The following LONP2 variants were observed in gnomAD, a reference collection of about 807,000 sequenced individuals.
LONP2 encodes the protein lon peptidase 2, peroxisomal, also known as lon protease homolog 2, peroxisomal.
Under a neutral mutation model 85.6 loss-of-function variants are expected in LONP2, and 60 were observed. The ratio of observed to expected loss-of-function variants is 0.70; its 90% CI spans 0.57 to 0.87. LONP2 has a LOEUF of 0.87. Among genes scored for constraint, LONP2 ranks in the 40% least tolerant of loss-of-function variants. LONP2 has a pLI of 0.00. For synonymous variants in LONP2, 395 were observed against 389.7 expected, an observed-to-expected ratio of 1.01 and a Z score of -0.16; for missense variants, 860 against 1,063.5, an observed-to-expected ratio of 0.81 and a Z score of 2.66.
intron 11 of LONP2, among the ~76,000 whole-genome samples, chr16:48,327,304 C>T (rs1959266217): frequency 6.6e-6 from 1 of 152,268 alleles, no homozygotes; most frequent in African/African-American, 2.4e-5. Context: ...AACTAGAAAA[C>T]ACTAGCCCCC....
chr16:48,354,196 CTTTTTTTTTTTTTTT>C lies in LONP2; in HGVS notation c.*2409_*2423del, dbSNP rs1159788312. ...GATCTAAGCATGTCCACTCTACACG[CTTTTTTTTTTTTTTT>C]TTTTTTTTTTTTTTGAGATGGAGTC... On this transcript the variant is annotated 3_prime_UTR_variant, in exon 15 of 15. Transcript: ENST00000285737. The C allele has an allele frequency of 2.2e-5, 1 of 46,186 alleles. No individual in the cohort carries two copies. Among genetic ancestry groups the C allele is most frequent in the Non-Finnish European group, 4.0e-5 (1 of 24,802 alleles). The allele number at this position is 46,186 out of a possible 1,614,324, so 2.9% of individuals were successfully genotyped here.
intron 1 of LONP2, among the ~76,000 whole-genome samples, 194 bp from the exon 2 acceptor site, chr16:48,251,937 G>C (rs896513673): frequency 5.3e-5 from 8 of 152,176 alleles, no homozygotes; most frequent in Non-Finnish European, 4.4e-5. Context: ...GAGATGGTCT[G>C]CTTTGCCATA....
intron 8 of LONP2, among the ~76,000 whole-genome samples, chr16:48,280,537 G>A (rs1363062276): frequency 1.3e-5 from 2 of 152,086 alleles, no homozygotes; most frequent in Admixed American, 6.6e-5. Flanking sequence ...GTCTGATGTA[G>A]ACCTTGGTAC....
chr16:48,361,811 G>A (rs774602747), downstream of LONP2: 24 of 1,614,180 alleles, frequency 1.5e-5, no homozygotes, highest in South Asian at 1.2e-4. Flanking sequence ...GTACGATTGC[G>A]AAGAACTGCT....
chr16:48,312,280 A>C (rs920527682), intron 11 of LONP2, among the ~76,000 whole-genome samples: 3 of 151,876 alleles, frequency 2.0e-5, no homozygotes, highest in Non-Finnish European at 2.9e-5. Context: ...TGAATTCTTT[A>C]TCTGGCATTT....
chr16:48,341,200 C>T (rs558690584), intron 12 of LONP2, among the ~76,000 whole-genome samples: 5 of 151,970 alleles, frequency 3.3e-5, no homozygotes, highest in African/African-American at 1.2e-4. Context: ...CTCGAGAGGC[C>T]GAGGCAGAAG....
chr16:48,307,873 T>C (rs952809013), intron 11 of LONP2, among the ~76,000 whole-genome samples: 1 of 152,200 alleles, frequency 6.6e-6, no homozygotes, highest in African/African-American at 2.4e-5. Context: ...CAGTGCTAGC[T>C]TATAAGGTGA....
At chr16:48,333,501 G>A (rs1162175665) in intron 11 of LONP2, among the ~76,000 whole-genome samples, 3 of 152,086 alleles carry the variant, frequency 2.0e-5, no homozygotes, top group African/African-American at 4.8e-5. Context: ...TACATTGCCC[G>A]TTAGAAAACA....
chr16:48,349,048 A>G (rs942153957), intron 14 of LONP2, among the ~76,000 whole-genome samples: 2 of 152,270 alleles, frequency 1.3e-5, no homozygotes, highest in Admixed American at 6.5e-5. Flanking sequence ...AAGATTAACC[A>G]TATCTAATGA....
intron 12 of LONP2, among the ~76,000 whole-genome samples, chr16:48,339,091 T>G (rs766705144): frequency 1.2e-4 from 18 of 152,182 alleles, no homozygotes; most frequent in Non-Finnish European, 2.9e-5. Context: ...GATACATTTT[T>G]AAAAAGCAGG....
intron 11 of LONP2, among the ~76,000 whole-genome samples, chr16:48,317,857 C>CT (rs1206645377): frequency 1.3e-5 from 2 of 152,206 alleles, no homozygotes; most frequent in African/African-American, 4.8e-5. Flanking sequence ...GACCACAAGT[C>CT]TGTCTCCCTC....
Position 48,270,225 on chromosome 16 carries a change from A to G in LONP2, c.1192A>G (p.Arg398Gly). Reference protein sequence around the residue: ...VAKTLGREFHRIALGGVCDQS... With the variant: ...VAKTLGREFHGIALGGVCDQS... ...CAAGACTCTAGGTCGAGAGTTCCAC[A>G]GGATTGCACTTGGAGGAGTATGTGA... Residue 398 changes from arginine to glycine, a missense_variant, in exon 7 of 15, where the codon AGG becomes GGG. Physicochemically the swap from Arg to Gly is moderately radical, Grantham distance 125. Coordinates refer to ENST00000285737, the MANE Select transcript of LONP2 (RefSeq NM_031490.5). The G allele has an allele frequency of 1.2e-6, 2 of 1,614,068 alleles. No homozygotes were observed. Among genetic ancestry groups the G allele is most frequent in the South Asian group, 1.1e-5 (1 of 91,078 alleles).
At position 48,353,252 on chromosome 16, in the gene LONP2, C is replaced by A. The variant is rs922889597; in HGVS notation, c.*1450C>A. ...TGGGCATGGTGGCTCACGCCTGTAA[C>A]CCTAGCACTTTAGGAAATCGAGGCG... On this transcript the variant is annotated 3_prime_UTR_variant, in exon 15 of 15. Transcript: ENST00000285737. 1 of 151,728 alleles carries A rather than the reference C, an allele frequency of 6.6e-6. No individual in the cohort carries two copies. Among genetic ancestry groups the A allele is most frequent in the African/African-American group, 2.4e-5 (1 of 41,248 alleles). 9.4% of individuals were successfully genotyped at this position (151,728 alleles called of 1,614,324 possible). A position where few individuals can be genotyped will look rare whatever the true frequency, so the allele number is the denominator to read the frequency against.
intron 9 of LONP2, among the ~76,000 whole-genome samples, chr16:48,297,988 G>T (rs1972712436): frequency 1.3e-5 from 2 of 152,176 alleles, no homozygotes; most frequent in Admixed American, 1.3e-4. Flanking sequence ...TTATCTGTGA[G>T]CATTGCAGGT....
At chr16:48,256,797 G>C in intron 3 of LONP2, 56 bp downstream of exon 3, 2 of 1,542,356 alleles carry the variant, frequency 1.3e-6, no homozygotes, top group South Asian at 1.2e-5. Context: ...TTGAGATCTA[G>C]ATAGTGAGTA....
chr16:48,299,752 A>G lies in LONP2; in HGVS notation c.1625A>G (p.Gln542Arg), dbSNP rs1447521696. ...CATGGGCTGACTCCACAGCAGATTC[A>G]GATACCCCAGGTCACCACTCTTGAC... ...EQHGLTPQQI[Q>R]IPQVTTLDII... Residue 542 changes from glutamine (Q) to arginine (R), a missense_variant, in exon 10 of 15, where the codon CAG becomes CGG. This residue lies in a region of LONP2 where 743 missense variants were observed against 917.3 expected (regional missense o/e 0.81). Coordinates refer to ENST00000285737, the MANE Select transcript of LONP2 (RefSeq NM_031490.5). 2 of 1,614,008 alleles carry G rather than the reference A, an allele frequency of 1.2e-6. No homozygotes were observed. The highest frequency in any genetic ancestry group is 8.5e-7 in the Non-Finnish European group (1 of 1,179,932).
At chr16:48,311,877 C>T (rs1973038514) in intron 11 of LONP2, among the ~76,000 whole-genome samples, 1 of 150,486 alleles carries the variant, frequency 6.6e-6, no homozygotes, top group South Asian at 2.1e-4. Flanking sequence ...CTTCCTCTTG[C>T]CTTGGCTTCC....
At position 48,270,134 on chromosome 16, in the gene LONP2, G is replaced by A. The variant is rs1444980960; in HGVS notation, c.1101G>A (p.Lys367=). 1.9e-6 allele frequency: 3 copies of A among 1,613,926 alleles called. No individual in the cohort carries two copies. The highest frequency in any genetic ancestry group is 2.2e-5 in the East Asian group (1 of 44,874). Residue 367 remains lysine (K), a synonymous_variant, in exon 7 of 15, where the codon AAG becomes AAA. Coordinates refer to ENST00000285737, the MANE Select transcript of LONP2 (RefSeq NM_031490.5). ...TCAGACAGCTCAAAAATAACCTGAA[G>A]GGCCCAATCCTATGCTTTGTTGGCC... ...LAVRQLKNNL[K]GPILCFVGPP...
At chr16:48,317,319 G>A (rs955396291) in intron 11 of LONP2, among the ~76,000 whole-genome samples, 2 of 152,154 alleles carry the variant, frequency 1.3e-5, no homozygotes, top group African/African-American at 4.8e-5. Flanking sequence ...TTTTGCCAAT[G>A]AAGTCCCAGT....
Sources: gnomAD v4.1 joint callset for allele counts (sites outside exome capture counted in the v4.1 genomes callset) on GRCh38, gnomAD v4.1.1 for gene constraint, gnomAD v4.1.1 regional missense constraint, MANE v1.5 for transcripts, NCBI Gene and HGNC (gene_info 2026-07-23, HGNC 2026-07-21) for gene names.